DNM3: variants seen among roughly 807,000 people sequenced by gnomAD.
DNM3 encodes dynamin-3.
In DNM3, 47 loss-of-function variants were observed where a neutral mutation model predicts 101.6. The observed-to-expected ratio is 0.46, with a 90% CI of 0.37 to 0.59. DNM3 has a LOEUF of 0.59. Ranked by LOEUF, DNM3 falls within the 20% of genes least tolerant of loss-of-function variation. The pLI, the probability that DNM3 is intolerant of heterozygous loss-of-function variation, is 0.00. For synonymous variants in DNM3, 385 were observed against 387.9 expected (o/e 0.99, Z 0.09); for missense variants, 849 against 1,085.7 (o/e 0.78, Z 3.06).
At chr1:172,272,677 T>A (rs1266760451) in intron 15 of DNM3, among the ~76,000 whole-genome samples, 1 of 152,168 alleles carries the variant, frequency 6.6e-6, no homozygotes, top group African/African-American at 2.4e-5. Context: ...CTTGTCCATT[T>A]TAGGGCAAAA....
chr1:172,273,605 T>C (rs1409005764), intron 15 of DNM3, among the ~76,000 whole-genome samples: 1 of 152,080 alleles, frequency 6.6e-6, no homozygotes, highest in Non-Finnish European at 1.5e-5. Context: ...GTAGAAGCAC[T>C]GAGAACAAAT....
At chr1:172,104,760 T>C (rs1369195223) in intron 13 of DNM3, among the ~76,000 whole-genome samples, 2 of 152,218 alleles carry the variant, frequency 1.3e-5, no homozygotes, top group East Asian at 1.9e-4. Context: ...TTCATCCTTA[T>C]GTTTGTAGCA....
chr1:172,340,000 C>T (rs1463102635), intron 17 of DNM3, among the ~76,000 whole-genome samples: 1 of 152,118 alleles, frequency 6.6e-6, no homozygotes, highest in Non-Finnish European at 1.5e-5. Flanking sequence ...TAGTATACTT[C>T]ATCCAGTGCC....
chr1:172,382,093 C>T (rs189971969), intron 18 of DNM3, among the ~76,000 whole-genome samples: 3 of 152,268 alleles, frequency 2.0e-5, no homozygotes, highest in Admixed American at 2.0e-4. Context: ...AAGTTTAAAG[C>T]CTAGCAATAA....
intron 14 of DNM3, among the ~76,000 whole-genome samples, chr1:172,170,235 A>G (rs907137546): frequency 6.6e-6 from 1 of 151,914 alleles, no homozygotes; most frequent in African/African-American, 2.4e-5. Flanking sequence ...TCTCAATATC[A>G]AGTGGAGGTG....
At chr1:171,864,398 G>A (rs371439952) in intron 1 of DNM3, 1 of 152,332 alleles carries the variant, frequency 6.6e-6, no homozygotes. Flanking sequence ...TTTCCATTAA[G>A]GTCTCCAGCT....
At chr1:171,929,698 C>T (rs2040850583) in intron 2 of DNM3, among the ~76,000 whole-genome samples, 1 of 152,142 alleles carries the variant, frequency 6.6e-6, no homozygotes, top group South Asian at 2.1e-4. Flanking sequence ...GGCCCTCCCT[C>T]TAGGAGCTCC....
chr1:172,124,998 A>G lies in DNM3; in HGVS notation c.1546-6177A>G, dbSNP rs917470441. On this transcript the variant is annotated intron_variant, in intron 13 of 20. Transcript: ENST00000627582. Reference sequence around the variant, plus strand: ...TGAGGATGCCTGTGCTCGCAAAGGTAGATCTTTCCTAACCAACTGGGTGAC... The same window carrying G: ...TGAGGATGCCTGTGCTCGCAAAGGTGGATCTTTCCTAACCAACTGGGTGAC... Among the ~76,000 whole-genome samples the G allele has an allele frequency of 6.6e-5, 10 of 152,184 alleles. 1 individual carries two copies. The highest frequency in any genetic ancestry group is 5.9e-4 in the Admixed American group (9 of 15,274).
intron 11 of DNM3, among the ~76,000 whole-genome samples, chr1:172,076,093 G>A (rs149496588): frequency 0.04 from 6,085 of 152,088 alleles, 288 homozygotes; most frequent in East Asian, 0.14. Context: ...ATGGGAGTTC[G>A]CTCATGATTT....
At chr1:172,271,243 C>A (rs1017670923) in intron 15 of DNM3, among the ~76,000 whole-genome samples, 18 of 152,208 alleles carry the variant, frequency 1.2e-4, no homozygotes, top group African/African-American at 4.1e-4. Flanking sequence ...ATGCTAAAAT[C>A]ATAGCTTCTC....
chr1:172,079,415 A>G (rs1482266757), intron 11 of DNM3, among the ~76,000 whole-genome samples: 2 of 151,762 alleles, frequency 1.3e-5, no homozygotes, highest in African/African-American at 2.4e-5. Context: ...CGATTTGCCT[A>G]TTGATACTTG....
intron 17 of DNM3, among the ~76,000 whole-genome samples, chr1:172,333,546 A>G (rs1313936804): frequency 1.3e-5 from 2 of 152,186 alleles, no homozygotes; most frequent in African/African-American, 4.8e-5. Context: ...GAACTAGCAC[A>G]TTTTAACTTA....
At chr1:172,260,987 C>T (rs2062620405) in intron 15 of DNM3, among the ~76,000 whole-genome samples, 1 of 151,914 alleles carries the variant, frequency 6.6e-6, no homozygotes, top group Non-Finnish European at 1.5e-5. Flanking sequence ...CAGGGCTTCA[C>T]TCTGTCACCC....
intron 14 of DNM3, among the ~76,000 whole-genome samples, chr1:172,202,772 G>T (rs1022925062): frequency 2.0e-5 from 3 of 152,048 alleles, no homozygotes; most frequent in Non-Finnish European, 2.9e-5. Context: ...TTTGATAAAG[G>T]TTTAATCTAC....
At chr1:172,416,827 C>T (rs781580112), downstream of DNM3, among the ~76,000 whole-genome samples, 1 of 152,156 alleles carries the variant, frequency 6.6e-6, no homozygotes, top group Non-Finnish European at 1.5e-5. Context: ...ATCTCTAAAG[C>T]TAAAGCCTTG....
At chr1:172,078,315 A>G (rs532156762) in intron 11 of DNM3, among the ~76,000 whole-genome samples, 84 of 152,174 alleles carry the variant, frequency 5.5e-4, no homozygotes, top group Admixed American at 1.0e-3. Context: ...GATGTTCTCT[A>G]TCTCCTCACC....
At chr1:172,319,357 G>A (rs1045736159) in intron 16 of DNM3, among the ~76,000 whole-genome samples, 5 of 152,084 alleles carry the variant, frequency 3.3e-5, no homozygotes, top group African/African-American at 1.2e-4. Flanking sequence ...AACACCAAAA[G>A]CAATGGCAAC....
intron 2 of DNM3, among the ~76,000 whole-genome samples, chr1:171,939,247 C>T (rs1362065670): frequency 6.6e-6 from 1 of 152,116 alleles, no homozygotes; most frequent in African/African-American, 2.4e-5. Context: ...CCTTTTAACA[C>T]CACATACATT....
At chr1:171,891,600 G>T (rs1437777806) in intron 1 of DNM3, among the ~76,000 whole-genome samples, 1 of 152,108 alleles carries the variant, frequency 6.6e-6, no homozygotes, top group African/African-American at 2.4e-5. Flanking sequence ...CTTCTTAGAT[G>T]TGACAATTTC....
Sources: gnomAD v4.1 joint callset for allele counts (sites outside exome capture counted in the v4.1 genomes callset) on GRCh38, gnomAD v4.1.1 for gene constraint, MANE v1.5 for transcripts, NCBI Gene and HGNC (gene_info 2026-07-23, HGNC 2026-07-21) for gene names.